The following OR51B5 variants were observed in gnomAD, a reference collection of about 807,000 sequenced individuals.
OR51B5 encodes the protein olfactory receptor 51B5.
For synonymous variants in OR51B5, 186 were observed against 144.8 expected, an observed-to-expected ratio of 1.28 and a Z score of -2.04; for missense variants, 456 against 374.6, an observed-to-expected ratio of 1.22 and a Z score of -1.79.
chr11:5,472,368 G>T (rs866537933), intron 1 of OR51B5, among the ~76,000 whole-genome samples: 1 of 152,178 alleles, frequency 6.6e-6, no homozygotes. Flanking sequence ...GAAGAGATGA[G>T]GTCCCCACTT....
At chr11:5,343,058 G>A (rs1178272589) in exon 1 of OR51B5, 1 of 1,613,312 alleles carries the variant, frequency 6.2e-7, no homozygotes, top group African/African-American at 1.3e-5. Flanking sequence ...CCTGATTGGG[G>A]GAACAACGGA....
intron 1 of OR51B5, among the ~76,000 whole-genome samples, chr11:5,357,654 A>G: frequency 6.6e-6 from 1 of 151,358 alleles, no homozygotes; most frequent in Non-Finnish European, 1.5e-5. Flanking sequence ...ATAGACATCT[A>G]CAGAACTCTC....
chr11:5,403,455 C>T lies in OR51B5; in HGVS notation n.85-56545G>A, dbSNP rs906896024. 3 of 471,662 alleles carry T rather than the reference C, an allele frequency of 6.4e-6. No homozygotes were observed. The Admixed American group carries it at 7.0e-5, about 11-fold the overall frequency. 29.2% of individuals were successfully genotyped at this position (471,662 alleles called of 1,614,324 possible). ...GGCCAATGCCTACCTCTTCTTCCCA[C>T]CTGTTGTCAATCCTATTGTCTACAG... On this transcript the variant is annotated intron_variant and non_coding_transcript_variant, in intron 1 of 4. Transcript: ENST00000415970.
chr11:5,365,749 G>A (rs1164669623), intron 1 of OR51B5, among the ~76,000 whole-genome samples: 1 of 152,108 alleles, frequency 6.6e-6, no homozygotes, highest in Non-Finnish European at 1.5e-5. Context: ...ATAGATATAA[G>A]CTTTTGAGGG....
At chr11:5,425,898 C>T (rs555888090) in intron 1 of OR51B5, among the ~76,000 whole-genome samples, 1 of 152,206 alleles carries the variant, frequency 6.6e-6, no homozygotes, top group African/African-American at 2.4e-5. Flanking sequence ...CAACCAAACA[C>T]CTAAGAATCA....
intron 1 of OR51B5, among the ~76,000 whole-genome samples, chr11:5,429,469 G>A (rs1414643856): frequency 6.6e-6 from 1 of 152,128 alleles, no homozygotes; most frequent in Non-Finnish European, 1.5e-5. Flanking sequence ...TGTAATTGGA[G>A]GCCCCAAAGT....
intron 1 of OR51B5, among the ~76,000 whole-genome samples, chr11:5,446,079 G>A (rs1850757782): frequency 6.6e-6 from 1 of 151,982 alleles, no homozygotes; most frequent in Admixed American, 6.6e-5. Flanking sequence ...CACAAGAAGG[G>A]GAACATCAGC....
rs142684674 is a variant in OR51B5, at chr11:5,439,868, T to C, written n.84+65701A>G. 2.0e-3 allele frequency among the ~76,000 whole-genome samples: 307 copies of C among 152,296 alleles called. 3 individuals are homozygous for C. The South Asian group carries it at 0.026, about 13-fold the overall frequency. On this transcript the variant is annotated intron_variant and non_coding_transcript_variant, in intron 1 of 4. Transcript: ENST00000415970. ...AGCAGTTCTCATTCAGTAGGACTTA[T>C]GTGGGGCCTAAGAATCTGTTTCTCT...
chr11:5,475,409 C>A (rs1174557195), intron 1 of OR51B5, among the ~76,000 whole-genome samples: 1 of 152,130 alleles, frequency 6.6e-6, no homozygotes, highest in Non-Finnish European at 1.5e-5. Flanking sequence ...AACCTCAAGG[C>A]CTTAACAAAT....
chr11:5,433,693 C>A (rs1326756891), intron 1 of OR51B5, among the ~76,000 whole-genome samples: 1 of 152,096 alleles, frequency 6.6e-6, no homozygotes, highest in Non-Finnish European at 1.5e-5. Flanking sequence ...ATTAGCTGGG[C>A]ATGGTGGCAC....
At chr11:5,479,830 C>T (rs1485779320) in intron 1 of OR51B5, among the ~76,000 whole-genome samples, 40 of 143,932 alleles carry the variant, frequency 2.8e-4, no homozygotes, top group Admixed American at 1.5e-3. Context: ...AATATATATG[C>T]ACCCAATACA....
intron 1 of OR51B5, among the ~76,000 whole-genome samples, chr11:5,403,828 C>T (rs1305217662): frequency 1.3e-5 from 2 of 152,060 alleles, no homozygotes; most frequent in Non-Finnish European, 2.9e-5. Flanking sequence ...AAGATTGTAA[C>T]ACAGCACTCC....
chr11:5,391,481 T>C (rs1464189487), intron 1 of OR51B5: 1 of 152,238 alleles, frequency 6.6e-6, no homozygotes, highest in African/African-American at 2.4e-5. Context: ...AGTAAATGTA[T>C]ATAAATACAA....
intron 1 of OR51B5, among the ~76,000 whole-genome samples, chr11:5,357,060 T>C (rs1365852576): frequency 6.6e-6 from 1 of 152,118 alleles, no homozygotes; most frequent in African/African-American, 2.4e-5. Flanking sequence ...AGGAAGAAAC[T>C]GCATCAACTA....
intron 1 of OR51B5, among the ~76,000 whole-genome samples, chr11:5,365,594 T>C (rs1849352162): frequency 6.6e-6 from 1 of 152,200 alleles, no homozygotes; most frequent in African/African-American, 2.4e-5. Context: ...GCACATGACA[T>C]CGGTTTGCCA....
chr11:5,424,327 AGAAAAGG>A (rs1850407989), intron 1 of OR51B5, among the ~76,000 whole-genome samples: 1 of 152,110 alleles, frequency 6.6e-6, no homozygotes, highest in East Asian at 1.9e-4. Flanking sequence ...CGGGGAAAAG[AGAAAAGG>A]GAAAACAAAA....
chr11:5,472,619 T>C (rs931999996), intron 1 of OR51B5, among the ~76,000 whole-genome samples: 3 of 152,238 alleles, frequency 2.0e-5, no homozygotes, highest in African/African-American at 7.2e-5. Flanking sequence ...GACTCCTCTG[T>C]GCTCTGCCAT....
At chr11:5,505,225 A>C in intron 1 of OR51B5, 3 of 1,009,322 alleles carry the variant, frequency 3.0e-6, no homozygotes, top group Non-Finnish European at 3.9e-6. Flanking sequence ...TGGAAGGCAG[A>C]TAAATGCAGT....
In OR51B5 at chr11:5,489,166, C is replaced by T. The variant is rs7935144; in HGVS notation, n.84+16403G>A. The T allele has an allele frequency of 2.6e-3, 4,151 of 1,613,600 alleles. 96 individuals carry two copies. The African/African-American group carries it at 0.049, about 19-fold the overall frequency. ...CAGAATTGGCTTTGTTGGGCTATTC[C>T]GTAGTGTGGCTATTGTCTCCCCCTT... On this transcript the variant is annotated intron_variant and non_coding_transcript_variant, in intron 1 of 4. Coordinates refer to the OR51B5 transcript ENST00000415970.
Sources: gnomAD v4.1 joint callset for allele counts (sites outside exome capture counted in the v4.1 genomes callset) on GRCh38, gnomAD v4.1.1 for gene constraint, MANE v1.5 for transcripts, NCBI Gene and HGNC (gene_info 2026-07-23, HGNC 2026-07-21) for gene names.